Variants in OSBPL1A observed in about 807,000 individuals in gnomAD.
OSBPL1A encodes the protein oxysterol-binding protein-related protein 1.
OSBPL1A carries 80 observed loss-of-function variants against 137.1 expected under a neutral mutation model. That is an observed-to-expected ratio of 0.58 (90% CI 0.49 to 0.70). The LOEUF (loss-of-function observed/expected upper bound fraction) is 0.70, where lower values mean the gene tolerates loss of function less well. OSBPL1A is among the 30% of genes least tolerant of loss of function. The pLI, the probability that OSBPL1A is intolerant of heterozygous loss-of-function variation, is 0.00. For missense variants in OSBPL1A, 970 were observed against 1,129.4 expected (o/e 0.86, Z 2.02); for synonymous variants, 365 against 389.7 (o/e 0.94, Z 0.75).
chr18:24,293,584 G>C (rs763618692), intron 14 of OSBPL1A, among the ~76,000 whole-genome samples: 3 of 152,176 alleles, frequency 2.0e-5, no homozygotes, highest in Admixed American at 6.5e-5. Context: ...TTTGAAGAAA[G>C]ACCTAGGGAA....
At chr18:24,194,408 G>A (rs2086969820) in intron 18 of OSBPL1A, among the ~76,000 whole-genome samples, 1 of 152,056 alleles carries the variant, frequency 6.6e-6, no homozygotes, top group Non-Finnish European at 1.5e-5. Context: ...TTAAGGACAT[G>A]CATATATACA....
At chr18:24,180,544 C>A (rs1224004674) in intron 19 of OSBPL1A, among the ~76,000 whole-genome samples, 1 of 151,974 alleles carries the variant, frequency 6.6e-6, no homozygotes, top group Non-Finnish European at 1.5e-5. Flanking sequence ...AGGTTGAATT[C>A]TTCCCCTAAC....
intron 15 of OSBPL1A, among the ~76,000 whole-genome samples, chr18:24,255,114 T>G (rs560562776): frequency 6.6e-6 from 1 of 152,174 alleles, no homozygotes; most frequent in East Asian, 1.9e-4. Flanking sequence ...AATGGATAAA[T>G]TCTTAAGACA....
At chr18:24,382,578 A>C (rs1056470854) in intron 1 of OSBPL1A, among the ~76,000 whole-genome samples, 2 of 151,978 alleles carry the variant, frequency 1.3e-5, no homozygotes, top group East Asian at 3.9e-4. Flanking sequence ...GTCTCAAAAA[A>C]ATTTTTTTTA....
At chr18:24,229,897 C>T (rs557175404) in intron 16 of OSBPL1A, among the ~76,000 whole-genome samples, 21 of 152,142 alleles carry the variant, frequency 1.4e-4, no homozygotes, top group South Asian at 8.3e-4. Flanking sequence ...ACTATAAGCG[C>T]GCGCCACCAT....
At chr18:24,202,138 T>C (rs971815419) in intron 17 of OSBPL1A, among the ~76,000 whole-genome samples, 1 of 152,124 alleles carries the variant, frequency 6.6e-6, no homozygotes, top group Non-Finnish European at 1.5e-5. Flanking sequence ...ATCTCTTTCA[T>C]GGAGGCTATA....
intron 15 of OSBPL1A, among the ~76,000 whole-genome samples, chr18:24,248,762 A>G (rs1210634995): frequency 6.6e-6 from 1 of 152,184 alleles, no homozygotes; most frequent in Non-Finnish European, 1.5e-5. Flanking sequence ...AAGACTTGGT[A>G]AATAAATAGG....
intron 16 of OSBPL1A, among the ~76,000 whole-genome samples, chr18:24,234,142 T>C (rs565096905): frequency 6.6e-6 from 1 of 152,186 alleles, no homozygotes; most frequent in Non-Finnish European, 1.5e-5. Flanking sequence ...TATATGAATA[T>C]ATATGAAGAA....
chr18:24,362,567 G>C lies in OSBPL1A; in HGVS notation c.282+4325C>G, dbSNP rs190289392. Among the ~76,000 whole-genome samples the C allele has an allele frequency of 4.2e-4, 64 of 152,244 alleles. No individual in the cohort carries two copies. In the East Asian group the frequency reaches 0.011, roughly 26 times the overall value. ...TGTGAAACAATATAATAATAAATTT[G>C]TTCTTTAACTCATGATAAATTCACA... On this transcript the variant is annotated intron_variant, in intron 4 of 27. Coordinates refer to ENST00000319481, the MANE Select transcript of OSBPL1A (RefSeq NM_080597.4).
At chr18:24,253,793 T>C (rs2089186318) in intron 15 of OSBPL1A, among the ~76,000 whole-genome samples, 1 of 152,164 alleles carries the variant, frequency 6.6e-6, no homozygotes. Flanking sequence ...ACAAAATATC[T>C]CAAGCACTGA....
At chr18:24,259,754 A>T (rs763115989) in intron 15 of OSBPL1A, among the ~76,000 whole-genome samples, 1 of 152,228 alleles carries the variant, frequency 6.6e-6, no homozygotes, top group African/African-American at 2.4e-5. Context: ...ACCACAGGCT[A>T]TTCTGATATG....
chr18:24,167,486 TTTAAGATACAG>T, intron 24 of OSBPL1A, 41 bp from the exon 25 acceptor site: 1 of 1,515,622 alleles, frequency 6.6e-7, no homozygotes. Flanking sequence ...AGTAGAAAGT[TTTAAGATACAG>T]TCAAGCACCA....
intron 1 of OSBPL1A, among the ~76,000 whole-genome samples, chr18:24,387,554 G>C (rs150162038): frequency 1.8e-3 from 271 of 152,092 alleles, no homozygotes; most frequent in African/African-American, 6.3e-3. Flanking sequence ...CTAATAAAAT[G>C]TTTCAAACCA....
chr18:24,224,894 G>T, intron 17 of OSBPL1A, 148 bp downstream of exon 17: 1 of 995,754 alleles, frequency 1.0e-6, no homozygotes, highest in Non-Finnish European at 1.4e-6. Context: ...AGGAAAAAGT[G>T]CTTAAGTTAA....
chr18:24,251,308 T>C (rs142400615), intron 15 of OSBPL1A, among the ~76,000 whole-genome samples: 74 of 152,156 alleles, frequency 4.9e-4, no homozygotes, highest in Admixed American at 3.0e-3. Flanking sequence ...TTAAGACCCA[T>C]TGTGGTGCTG....
intron 15 of OSBPL1A, chr18:24,272,107 C>T: frequency 3.1e-6 from 3 of 983,446 alleles, no homozygotes; most frequent in Non-Finnish European, 3.6e-6. Flanking sequence ...CCGGGGAAGC[C>T]TGCACGGCCC....
At chr18:24,223,983 T>C (rs946172486) in intron 17 of OSBPL1A, among the ~76,000 whole-genome samples, 1 of 152,166 alleles carries the variant, frequency 6.6e-6, no homozygotes, top group Non-Finnish European at 1.5e-5. Flanking sequence ...CCAAAGAAAC[T>C]GATAGTAACT....
chr18:24,195,907 G>A, intron 18 of OSBPL1A: 1 of 408,390 alleles, frequency 2.4e-6, no homozygotes, highest in Non-Finnish European at 4.4e-6. Flanking sequence ...GTTTCTGTTT[G>A]TTTTTTTTTT....
At position 24,170,663 on chromosome 18, in the gene OSBPL1A, G is replaced by A. The variant is rs149408489; in HGVS notation, c.2292-210C>T. On this transcript the variant is annotated intron_variant, in intron 23 of 27. Transcript: ENST00000319481. ...TGAATATTACTATAAAGGTGTGTACGACTCACAGAGTCTCACTCTGTTACT... is the reference window on the plus strand; with the variant it reads ...TGAATATTACTATAAAGGTGTGTACAACTCACAGAGTCTCACTCTGTTACT... 2.2e-4 allele frequency: 118 copies of A among 525,400 alleles called. No homozygotes were observed. The East Asian group carries it at 3.2e-3, about 14-fold the overall frequency. 32.5% of individuals were successfully genotyped at this position (525,400 alleles called of 1,614,324 possible).
Sources: gnomAD v4.1 joint callset for allele counts (sites outside exome capture counted in the v4.1 genomes callset) on GRCh38, gnomAD v4.1.1 for gene constraint, MANE v1.5 for transcripts, NCBI Gene and HGNC (gene_info 2026-07-23, HGNC 2026-07-21) for gene names.